The following CDK7 variants were observed in gnomAD, a reference collection of about 807,000 sequenced individuals.
CDK7 encodes cyclin dependent kinase 7.
In CDK7, 25 loss-of-function variants were observed where a neutral mutation model predicts 49.1. The ratio of observed to expected loss-of-function variants is 0.51; its 90% confidence interval spans 0.37 to 0.71. CDK7 has a LOEUF of 0.71. Among genes scored for constraint, CDK7 ranks in the 30% least tolerant of loss-of-function variants. The probability of loss-of-function intolerance (pLI) is 0.00; values close to 1 mark genes in which losing one functional copy is unlikely to be tolerated. For synonymous variants in CDK7, 107 were observed against 140.0 expected (o/e 0.76, Z 1.67); for missense variants, 316 against 411.7 (o/e 0.77, Z 2.01).
chr5:69,245,220 G>GT (rs1170903440), intron 2 of CDK7, among the ~76,000 whole-genome samples: 2 of 151,630 alleles, frequency 1.3e-5, no homozygotes, highest in Non-Finnish European at 1.5e-5. Flanking sequence ...TTACTTCTCT[G>GT]TTTTTTTGGA....
At chr5:69,254,063 G>GA in intron 3 of CDK7, among the ~76,000 whole-genome samples, 1 of 151,760 alleles carries the variant, frequency 6.6e-6, no homozygotes, top group Non-Finnish European at 1.5e-5. Flanking sequence ...TCATGCCACT[G>GA]CACTCCAACC....
At chr5:69,275,273 C>T (rs973967238) in intron 10 of CDK7, among the ~76,000 whole-genome samples, 2 of 152,100 alleles carry the variant, frequency 1.3e-5, no homozygotes, top group African/African-American at 4.8e-5. Context: ...AAATTTCTGT[C>T]CATTTGCAAT....
At chr5:69,254,542 AGTGTTTGT>A in intron 3 of CDK7, 52 bp from the exon 4 acceptor site, 1 of 778,178 alleles carries the variant, frequency 1.3e-6, no homozygotes, top group Non-Finnish European at 2.2e-6. Context: ...AAAAAAAAGA[AGTGTTTGT>A]AAGGTTTGAG....
At chr5:69,254,479 G>A (rs959088191) in intron 3 of CDK7, 123 bp from the exon 4 acceptor site, 2 of 516,110 alleles carry the variant, frequency 3.9e-6, no homozygotes, top group South Asian at 2.5e-5. Flanking sequence ...CCGAGATCAC[G>A]CCACTACACT....
At chr5:69,253,274 A>AT (rs1408812103) in intron 3 of CDK7, among the ~76,000 whole-genome samples, 21 of 151,736 alleles carry the variant, frequency 1.4e-4, no homozygotes, top group Admixed American at 3.9e-4. Flanking sequence ...TATTTTGTTT[A>AT]TTTTTTTTGA....
At chr5:69,264,201 A>C (rs1346187277) in intron 8 of CDK7, among the ~76,000 whole-genome samples, 17 of 152,218 alleles carry the variant, frequency 1.1e-4, no homozygotes, top group Admixed American at 1.0e-3. Context: ...CCCCTTTCCA[A>C]ATATTCAGAG....
At chr5:69,263,578 C>A (rs1750966257) in intron 8 of CDK7, among the ~76,000 whole-genome samples, 1 of 152,120 alleles carries the variant, frequency 6.6e-6, no homozygotes, top group Non-Finnish European at 1.5e-5. Flanking sequence ...GAGAAACTTA[C>A]CCAATGGGCA....
intron 9 of CDK7, among the ~76,000 whole-genome samples, chr5:69,269,644 A>G (rs1751394986): frequency 6.6e-6 from 1 of 152,116 alleles, no homozygotes; most frequent in Non-Finnish European, 1.5e-5. Flanking sequence ...CGTCGTATAT[A>G]TACACGGTGT....
upstream of CDK7, chr5:69,234,806 C>A (rs1748826899): frequency 7.6e-6 from 5 of 658,200 alleles, no homozygotes; most frequent in Non-Finnish European, 1.3e-5. Flanking sequence ...GAACGCCAAC[C>A]GCCTGGGCCT....
chr5:69,255,096 A>G (rs1750400915), intron 4 of CDK7, among the ~76,000 whole-genome samples: 2 of 152,192 alleles, frequency 1.3e-5, no homozygotes, highest in African/African-American at 4.8e-5. Context: ...AAATGTATTC[A>G]TTCATTCAAT....
At chr5:69,243,134 T>G (rs1749499177) in intron 2 of CDK7, among the ~76,000 whole-genome samples, 1 of 152,264 alleles carries the variant, frequency 6.6e-6, no homozygotes, top group South Asian at 2.1e-4. Flanking sequence ...TATGCCTTTT[T>G]GGCATGTTGA....
intron 8 of CDK7, among the ~76,000 whole-genome samples, chr5:69,264,153 GA>G (rs1750999268): frequency 6.6e-6 from 1 of 152,084 alleles, no homozygotes; most frequent in Non-Finnish European, 1.5e-5. Context: ...GGAAAAAATG[GA>G]AACAACCAAA....
chr5:69,243,786 T>G (rs1749533715), intron 2 of CDK7, among the ~76,000 whole-genome samples: 1 of 151,714 alleles, frequency 6.6e-6, no homozygotes, highest in Non-Finnish European at 1.5e-5. Context: ...TTTCCATTTT[T>G]TTGGTGTGTT....
At chr5:69,264,439 C>T (rs570002722) in intron 8 of CDK7, among the ~76,000 whole-genome samples, 56 of 151,994 alleles carry the variant, frequency 3.7e-4, no homozygotes, top group Non-Finnish European at 6.2e-4. Flanking sequence ...CAGCTACGTG[C>T]GAGGCTGAGG....
chr5:69,266,149 T>C (rs2150223062), intron 8 of CDK7, among the ~76,000 whole-genome samples: 1 of 152,200 alleles, frequency 6.6e-6, no homozygotes, highest in East Asian at 1.9e-4. Context: ...TTGGGGCCTT[T>C]AGAGGGCGCA....
At chr5:69,276,813 T>C (rs1251018354) in intron 11 of CDK7, 123 bp downstream of exon 11, 4 of 865,368 alleles carry the variant, frequency 4.6e-6, no homozygotes, top group Non-Finnish European at 7.1e-6. Flanking sequence ...TTTTATAAAT[T>C]TAATTGTATA....
At chr5:69,241,675 T>C (rs1749399324) in intron 2 of CDK7, among the ~76,000 whole-genome samples, 1 of 152,158 alleles carries the variant, frequency 6.6e-6, no homozygotes, top group Admixed American at 6.6e-5. Context: ...TGTTGGCACC[T>C]TTTCTTATGC....
rs565852388 is a variant in CDK7 at position 69,249,438 on chromosome 5, G to C, written c.127-2980G>C. ...TGCCTGTGGTCCCAGCTTCTTGGGG[G>C]GGTCTGAGTGGAGAGGATGGCTTTA... On this transcript the variant is annotated intron_variant, in intron 2 of 11. Coordinates refer to ENST00000256443, the MANE Select transcript of CDK7 (RefSeq NM_001799.4). 3.3e-5 allele frequency among the ~76,000 whole-genome samples: 5 copies of C among 152,200 alleles called. No homozygotes were observed. The East Asian group carries it at 9.7e-4, about 29-fold the overall frequency.
chr5:69,247,012 C>G (rs1749799231), intron 2 of CDK7, among the ~76,000 whole-genome samples: 1 of 152,018 alleles, frequency 6.6e-6, no homozygotes, highest in Non-Finnish European at 1.5e-5. Flanking sequence ...GTTTTGTGGC[C>G]TAACATATGG....
Sources: gnomAD v4.1 joint callset for allele counts (sites outside exome capture counted in the v4.1 genomes callset) on GRCh38, gnomAD v4.1.1 for gene constraint, MANE v1.5 for transcripts, NCBI Gene and HGNC (gene_info 2026-07-23, HGNC 2026-07-21) for gene names.